Variants in CRYM observed in about 807,000 individuals in gnomAD.
The protein encoded by CRYM is ketimine reductase mu-crystallin.
CRYM carries 18 observed loss-of-function variants against 32.9 expected under a neutral mutation model. The ratio of observed to expected loss-of-function variants is 0.55; its 90% CI spans 0.38 to 0.81. The LOEUF is 0.81. Ranked by LOEUF, CRYM falls within the 30% of genes least tolerant of loss-of-function variation. The probability of loss-of-function intolerance (pLI) is 0.00; values close to 1 mark genes in which losing one functional copy is unlikely to be tolerated. For missense variants in CRYM, 337 were observed against 393.5 expected (o/e 0.86, Z 1.21); for synonymous variants, 153 against 152.4 (o/e 1.00, Z -0.03).
intron 5 of CRYM, 127 bp from the exon 6 acceptor site, chr16:21,262,285 C>T: frequency 8.7e-7 from 1 of 1,154,076 alleles, no homozygotes; most frequent in Non-Finnish European, 1.3e-6. Context: ...CCCCCTCATT[C>T]CCCAGGCCAT....
intron 1 of CRYM, among the ~76,000 whole-genome samples, chr16:21,301,861 G>A (rs1191222621): frequency 6.6e-6 from 1 of 152,210 alleles, no homozygotes; most frequent in East Asian, 1.9e-4. Context: ...AGCGGCGGAG[G>A]CGGAGGCGGC....
intron 1 of CRYM, among the ~76,000 whole-genome samples, chr16:21,296,250 G>A (rs1385074335): frequency 2.0e-5 from 3 of 152,142 alleles, no homozygotes; most frequent in African/African-American, 7.2e-5. Context: ...AGTTTTTTAA[G>A]TAAACATTTA....
intron 3 of CRYM, among the ~76,000 whole-genome samples, chr16:21,273,511 G>C (rs947920117): frequency 4.6e-5 from 7 of 152,160 alleles, no homozygotes; most frequent in African/African-American, 9.7e-5. Flanking sequence ...CAAAAGTGTG[G>C]TTTCCAGACC....
chr16:21,269,015 G>A (rs536709224), intron 4 of CRYM, among the ~76,000 whole-genome samples: 3 of 151,952 alleles, frequency 2.0e-5, no homozygotes, highest in African/African-American at 4.8e-5. Context: ...GTGGTAGTGG[G>A]CGCCTATAAT....
At chr16:21,289,612 A>T (rs1960564753) in intron 1 of CRYM, among the ~76,000 whole-genome samples, 1 of 152,172 alleles carries the variant, frequency 6.6e-6, no homozygotes, top group South Asian at 2.1e-4. Context: ...CCATTTTGTC[A>T]TAAGAATGTC....
chr16:21,294,550 T>G (rs986982255), intron 1 of CRYM, among the ~76,000 whole-genome samples: 2 of 152,060 alleles, frequency 1.3e-5, no homozygotes, highest in Non-Finnish European at 2.9e-5. Context: ...CCCCTCCCTG[T>G]GCCCATGTGT....
intron 4 of CRYM, among the ~76,000 whole-genome samples, chr16:21,268,294 G>A (rs138423309): frequency 6.6e-6 from 1 of 152,328 alleles, no homozygotes; most frequent in African/African-American, 2.4e-5. Context: ...AACTTGATCG[G>A]TGAAGAATAC....
chr16:21,274,221 C>CATTTTTTTTAAAAA (rs1369966210), intron 3 of CRYM, among the ~76,000 whole-genome samples: 1 of 152,206 alleles, frequency 6.6e-6, no homozygotes, highest in Non-Finnish European at 1.5e-5. Flanking sequence ...TTTAAAAATG[C>CATTTTTTTTAAAAA]TGTTTTTCTT....
chr16:21,261,098 G>C lies in CRYM; in HGVS notation c.880+156C>G. The C allele has an allele frequency of 8.5e-6, 6 of 706,202 alleles. No individual in the cohort carries two copies. The South Asian group carries it at 9.6e-5, about 11-fold the overall frequency. The allele number at this position is 706,202 out of a possible 1,614,324, so 43.7% of individuals were successfully genotyped here. ...GGACTGCTCAGTTCCAGAGTTCATG[G>C]GCTTAGCACTAGGCTAAACCATGTA... On this transcript the variant is annotated intron_variant, in intron 7 of 7. Coordinates refer to ENST00000572914, the MANE Select transcript of CRYM (RefSeq NM_001376256.1).
intron 1 of CRYM, among the ~76,000 whole-genome samples, chr16:21,295,631 A>T (rs893637854): frequency 2.0e-5 from 3 of 152,186 alleles, no homozygotes; most frequent in Admixed American, 2.0e-4. Context: ...AGTTATTTGT[A>T]ATATCAAAAA....
chr16:21,277,948 G>T lies in CRYM; in HGVS notation c.170+134C>A. 5.9e-6 allele frequency: 6 copies of T among 1,017,596 alleles called. No individual in the cohort carries two copies. The highest frequency in any genetic ancestry group is 7.1e-6 in the Non-Finnish European group (5 of 703,678). 63.0% of individuals were successfully genotyped at this position (1,017,596 alleles called of 1,614,324 possible). A position where few individuals can be genotyped will look rare whatever the true frequency, so the allele number is the denominator to read the frequency against. On this transcript the variant is annotated intron_variant, in intron 1 of 7. Transcript: ENST00000572914. The surrounding 1 kb of genome is among the most constrained non-coding windows in gnomAD (Gnocchi z 4.2). ...ACGCCCACTTAGCACACCGGGTAGC[G>T]CCTATTAAAAGTGGCAGCTGTTAGC...
At chr16:21,298,236 A>G (rs2152865900) in intron 1 of CRYM, among the ~76,000 whole-genome samples, 1 of 152,372 alleles carries the variant, frequency 6.6e-6, no homozygotes, top group South Asian at 2.1e-4. Flanking sequence ...AGGGAAAGCT[A>G]AAGTTGGCTT....
intron 7 of CRYM, among the ~76,000 whole-genome samples, chr16:21,260,209 C>G (rs1483943832): frequency 6.6e-6 from 1 of 152,190 alleles, no homozygotes; most frequent in African/African-American, 2.4e-5. Flanking sequence ...GAGAGGGGGA[C>G]AGAGGGCACT....
At position 21,275,462 on chromosome 16, in the gene CRYM, C is replaced by T; in HGVS notation, c.387+70G>A. On this transcript the variant is annotated intron_variant, in intron 3 of 7. Coordinates refer to ENST00000572914, the MANE Select transcript of CRYM (RefSeq NM_001376256.1). ...ATAAGTTCCCCACTTCTCCTTTAGT[C>T]TCTCAAGATTGAGACACCAGACCCC... 4 of 1,366,428 alleles carry T rather than the reference C, an allele frequency of 2.9e-6. 1 individual carries two copies. The South Asian group carries it at 4.7e-5, about 16-fold the overall frequency. The allele number at this position is 1,366,428 out of a possible 1,614,324, so 84.6% of individuals were successfully genotyped here.
At chr16:21,287,550 T>C (rs1300388011) in intron 1 of CRYM, among the ~76,000 whole-genome samples, 1 of 152,228 alleles carries the variant, frequency 6.6e-6, no homozygotes, top group Non-Finnish European at 1.5e-5. Context: ...TGATGAGGAT[T>C]GAAACTTTCA....
chr16:21,266,157 G>A (rs2152861832), intron 5 of CRYM, among the ~76,000 whole-genome samples: 1 of 152,262 alleles, frequency 6.6e-6, no homozygotes, highest in Admixed American at 6.5e-5. Context: ...ATGGGAGGTG[G>A]AGGTTGCAGT....
chr16:21,265,585 C>A (rs1281808031), intron 5 of CRYM, among the ~76,000 whole-genome samples: 2 of 152,206 alleles, frequency 1.3e-5, no homozygotes, highest in Non-Finnish European at 2.9e-5. Flanking sequence ...CACCATGAAA[C>A]CAGTGACCTT....
chr16:21,267,764 T>A, intron 4 of CRYM, 27 bp from the exon 5 acceptor site: 2 of 1,613,914 alleles, frequency 1.2e-6, no homozygotes, highest in Non-Finnish European at 1.7e-6. Context: ...AAGAAGGATA[T>A]TGGCGCCATT....
intron 1 of CRYM, among the ~76,000 whole-genome samples, chr16:21,294,486 A>T (rs1400497395): frequency 6.6e-6 from 1 of 151,774 alleles, no homozygotes; most frequent in Admixed American, 6.6e-5. Context: ...ATTTGTCCTA[A>T]TGCTCTCCCT....
Sources: gnomAD v4.1 joint callset for allele counts (sites outside exome capture counted in the v4.1 genomes callset) on GRCh38, gnomAD v4.1.1 for gene constraint, Gnocchi (gnomAD v3.1) non-coding constraint, MANE v1.5 for transcripts, NCBI Gene and HGNC (gene_info 2026-07-23, HGNC 2026-07-21) for gene names.